The following EPB41L5 variants were observed in gnomAD, a reference collection of about 807,000 sequenced individuals.
The protein encoded by EPB41L5 is band 4.1-like protein 5.
A neutral mutation model predicts 106.6 loss-of-function variants in EPB41L5; 55 were observed. The ratio of observed to expected loss-of-function variants is 0.52; its 90% CI spans 0.42 to 0.65. The LOEUF is 0.65. EPB41L5 is among the 30% of genes least tolerant of loss of function. The pLI is 0.00. For synonymous variants in EPB41L5, 297 were observed against 306.7 expected, an observed-to-expected ratio of 0.97 and a Z score of 0.33; for missense variants, 871 against 882.1, an observed-to-expected ratio of 0.99 and a Z score of 0.16.
At chr2:120,090,554 A>G (rs370547852) in intron 12 of EPB41L5, 38 bp downstream of exon 12, 4 of 1,565,058 alleles carry the variant, frequency 2.6e-6, no homozygotes, top group East Asian at 2.3e-5. Flanking sequence ...CTTTCATTGC[A>G]TACAGGCCAA....
chr2:120,127,736 A>G lies in EPB41L5; in HGVS notation c.1386A>G (p.Ala462=). Residue 462 remains alanine (A), a synonymous_variant, in exon 17 of 25, where the codon GCA becomes GCG. Transcript: ENST00000263713. ...TGAATAGCCCAGACTTATTGGAAGC[A>G]ACGATTGGTGATGTAATTGGGGCAT... ...DLLNSPDLLE[A]TIGDVIGASD... The G allele has an allele frequency of 6.2e-7, 1 of 1,613,732 alleles. No individual in the cohort carries two copies. Among genetic ancestry groups the G allele is most frequent in the Non-Finnish European group, 8.5e-7 (1 of 1,179,714 alleles).
chr2:120,145,554 C>G (rs949823906), intron 19 of EPB41L5, among the ~76,000 whole-genome samples: 2 of 151,922 alleles, frequency 1.3e-5, no homozygotes, highest in Non-Finnish European at 2.9e-5. Context: ...AATATTGAGG[C>G]GGGGAGTGGG....
At chr2:120,028,182 T>TA (rs946245970) in intron 2 of EPB41L5, among the ~76,000 whole-genome samples, 14 of 151,874 alleles carry the variant, frequency 9.2e-5, no homozygotes, top group African/African-American at 2.9e-4. Flanking sequence ...TTTTTTTTTT[T>TA]AAAAAGAATG....
At chr2:120,072,563 A>G (rs983669443) in intron 3 of EPB41L5, among the ~76,000 whole-genome samples, 5 of 152,212 alleles carry the variant, frequency 3.3e-5, no homozygotes, top group African/African-American at 1.2e-4. Flanking sequence ...GGATAAGGAA[A>G]ATGTAGCACA....
intron 2 of EPB41L5, among the ~76,000 whole-genome samples, chr2:120,024,978 A>G (rs1678210828): frequency 6.6e-6 from 1 of 151,958 alleles, no homozygotes; most frequent in African/African-American, 2.4e-5. Flanking sequence ...TTTTTGTTTT[A>G]TCTCTGCCAA....
At chr2:120,028,699 A>G (rs1678503108) in intron 2 of EPB41L5, among the ~76,000 whole-genome samples, 1 of 151,896 alleles carries the variant, frequency 6.6e-6, no homozygotes, top group African/African-American at 2.4e-5. Flanking sequence ...TAGTACATGG[A>G]TATGGTTGGC....
intron 2 of EPB41L5, among the ~76,000 whole-genome samples, chr2:120,023,996 A>G (rs1678123660): frequency 1.3e-5 from 2 of 152,188 alleles, no homozygotes; most frequent in African/African-American, 2.4e-5. Flanking sequence ...ATTTGTGTAT[A>G]GGAAAGCTTG....
chr2:120,102,564 A>G (rs1684213455), intron 16 of EPB41L5, among the ~76,000 whole-genome samples: 1 of 152,200 alleles, frequency 6.6e-6, no homozygotes, highest in African/African-American at 2.4e-5. Context: ...TTTCAAAAGA[A>G]TATAAAGCAG....
intron 2 of EPB41L5, among the ~76,000 whole-genome samples, chr2:120,036,510 A>G (rs973360565): frequency 2.0e-5 from 3 of 152,210 alleles, no homozygotes; most frequent in Non-Finnish European, 2.9e-5. Flanking sequence ...AAGGAGACAA[A>G]TGAGCGCAAG....
At chr2:120,104,360 A>G (rs1684327846) in intron 16 of EPB41L5, 5 of 1,416,106 alleles carry the variant, frequency 3.5e-6, no homozygotes, top group Admixed American at 2.8e-5. Context: ...GTGAGTCACT[A>G]GTTGTTCAGT....
chr2:120,157,335 TAGAA>T (rs1276466779), intron 20 of EPB41L5, among the ~76,000 whole-genome samples: 10 of 151,598 alleles, frequency 6.6e-5, no homozygotes, highest in Non-Finnish European at 1.2e-4. Flanking sequence ...ATCAAAAAGT[TAGAA>T]AGATCTCAAT....
chr2:120,052,626 G>A (rs1680363239), intron 3 of EPB41L5, among the ~76,000 whole-genome samples: 1 of 152,052 alleles, frequency 6.6e-6, no homozygotes, highest in African/African-American at 2.4e-5. Context: ...TGGTCAATGG[G>A]AGCTGCTTCA....
intron 16 of EPB41L5, among the ~76,000 whole-genome samples, chr2:120,103,600 A>G (rs776107060): frequency 5.3e-5 from 8 of 152,158 alleles, no homozygotes; most frequent in Admixed American, 1.3e-4. Flanking sequence ...GTGAAATCCC[A>G]TAATTTGAGG....
intron 16 of EPB41L5, chr2:120,103,942 C>A: frequency 8.6e-7 from 1 of 1,161,140 alleles, no homozygotes; most frequent in Non-Finnish European, 1.1e-6. Context: ...CTGGTAACTA[C>A]TCATAGCAGC....
rs944716667 is a variant in EPB41L5 at position 120,060,926 on chromosome 2, A to G, written c.286-12252A>G. ...AATAAACATAGCATGGAACAAGCAA[A>G]CCATGTCTCGGGAGCAAAATTTAAT... On this transcript the variant is annotated intron_variant, in intron 3 of 24. Coordinates refer to ENST00000263713, the MANE Select transcript of EPB41L5 (RefSeq NM_020909.4). 1.3e-4 allele frequency among the ~76,000 whole-genome samples: 20 copies of G among 152,110 alleles called. 3 individuals carry two copies. Among genetic ancestry groups the G allele is most frequent in the Admixed American group, 1.2e-3 (18 of 15,272 alleles).
intron 1 of EPB41L5, chr2:120,013,597 C>T (rs1574449149): frequency 1.3e-5 from 2 of 152,326 alleles, no homozygotes; most frequent in African/African-American, 4.8e-5. Context: ...GAAAAACGAA[C>T]TGAGTTTGTG....
At chr2:120,161,470 CT>C (rs1412642586) in intron 21 of EPB41L5, among the ~76,000 whole-genome samples, 1 of 151,726 alleles carries the variant, frequency 6.6e-6, no homozygotes, top group Non-Finnish European at 1.5e-5. Flanking sequence ...CTTAGGGTTT[CT>C]TCTCCAGTTT....
chr2:120,109,628 C>T lies in EPB41L5; in HGVS notation c.1337+8814C>T, dbSNP rs114204519. Reference sequence around the variant, plus strand: ...CAAGACCATCATTTGAGCAATCCTCCGTTTTGTTCTACTGCATCGGTTTTC... The same window carrying T: ...CAAGACCATCATTTGAGCAATCCTCTGTTTTGTTCTACTGCATCGGTTTTC... On this transcript the variant is annotated intron_variant, in intron 16 of 24. Transcript: ENST00000263713. Among the ~76,000 whole-genome samples the T allele has an allele frequency of 7.6e-3, 1,158 of 152,268 alleles. 15 individuals are homozygous for T. The highest frequency in any genetic ancestry group is 0.026 in the African/African-American group (1,085 of 41,544).
chr2:120,079,728 C>G (rs981488934), intron 10 of EPB41L5, among the ~76,000 whole-genome samples: 1 of 152,178 alleles, frequency 6.6e-6, no homozygotes, highest in African/African-American at 2.4e-5. Context: ...TCACATACCC[C>G]ACACATCCCT....
Sources: allele counts gnomAD v4.1 joint callset (sites outside exome capture counted in the v4.1 genomes callset), GRCh38; gene constraint gnomAD v4.1.1; transcripts MANE v1.5; gene names NCBI Gene and HGNC (gene_info 2026-07-23, HGNC 2026-07-21).